CPA6: variants seen among roughly 807,000 people sequenced by gnomAD.
CPA6 encodes the protein carboxypeptidase B.
A neutral mutation model predicts 63.3 loss-of-function variants in CPA6; 58 were observed. The ratio of observed to expected loss-of-function variants is 0.92; its 90% CI spans 0.74 to 1.14. The LOEUF is 1.14. Among genes scored for constraint, CPA6 ranks in the 50% most tolerant of loss-of-function variants. CPA6 has a pLI of 0.00. For synonymous variants in CPA6, 185 were observed against 179.0 expected, an observed-to-expected ratio of 1.03 and a Z score of -0.27; for missense variants, 565 against 526.6, an observed-to-expected ratio of 1.07 and a Z score of -0.71.
At chr8:67,724,706 G>A (rs1430906484) in intron 1 of CPA6, among the ~76,000 whole-genome samples, 1 of 152,168 alleles carries the variant, frequency 6.6e-6, no homozygotes, top group African/African-American at 2.4e-5. Flanking sequence ...AAGCCATTGG[G>A]CCCAGTTTCC....
At chr8:67,725,448 A>C (rs1196050453) in intron 1 of CPA6, among the ~76,000 whole-genome samples, 1 of 152,214 alleles carries the variant, frequency 6.6e-6, no homozygotes, top group Non-Finnish European at 1.5e-5. Flanking sequence ...TCATGACTGA[A>C]AATTGTAAGC....
chr8:67,632,782 G>A (rs1297474824), intron 1 of CPA6, among the ~76,000 whole-genome samples: 2 of 152,202 alleles, frequency 1.3e-5, no homozygotes, highest in African/African-American at 2.4e-5. Flanking sequence ...TTATTATCTT[G>A]AAGTAAGAGA....
chr8:67,493,374 C>A (rs1811645759), intron 6 of CPA6, among the ~76,000 whole-genome samples: 1 of 152,094 alleles, frequency 6.6e-6, no homozygotes, highest in Non-Finnish European at 1.5e-5. Flanking sequence ...GCTTTTGGAT[C>A]CTGGGAGAAG....
intron 2 of CPA6, among the ~76,000 whole-genome samples, chr8:67,540,947 G>C (rs1281556609): frequency 6.6e-6 from 1 of 152,224 alleles, no homozygotes; most frequent in Non-Finnish European, 1.5e-5. Flanking sequence ...GGCTCCATGG[G>C]GGTGGGATCC....
intron 1 of CPA6, among the ~76,000 whole-genome samples, chr8:67,683,075 C>G (rs915897117): frequency 6.6e-6 from 1 of 152,172 alleles, no homozygotes; most frequent in African/African-American, 2.4e-5. Flanking sequence ...ACCCGGGCTT[C>G]CCCCCGGTCT....
Position 67,634,179 on chromosome 8 carries a change from A to AATTATTATT in CPA6, c.117-9937_117-9929dup, listed in dbSNP as rs36123716. Among the ~76,000 whole-genome samples, 296 of 139,902 alleles carry AATTATTATT rather than the reference A, an allele frequency of 2.1e-3. 4 individuals carry two copies. Among genetic ancestry groups the AATTATTATT allele is most frequent in the South Asian group, 4.0e-3 (18 of 4,502 alleles). 91.8% of individuals were successfully genotyped at this position (139,902 alleles called of 152,430 possible). A position where few individuals can be genotyped will look rare whatever the true frequency, so the allele number is the denominator to read the frequency against. On this transcript the variant is annotated intron_variant, in intron 1 of 10. Transcript: ENST00000297770. Reference sequence around the variant, plus strand: ...TTCCTTTCTCCAAGTCACTGGATTTAATTATTATTATTATTATTATTATTA... The same window carrying AATTATTATT: ...TTCCTTTCTCCAAGTCACTGGATTTAATTATTATTATTATTATTATTATTATTATTATTA...
intron 2 of CPA6, among the ~76,000 whole-genome samples, chr8:67,570,804 C>A (rs1223588635): frequency 3.3e-5 from 5 of 152,078 alleles, no homozygotes; most frequent in Non-Finnish European, 5.9e-5. Context: ...ATAAAACAAC[C>A]AGAAAACAAT....
chr8:67,707,055 T>G (rs1295738249), intron 1 of CPA6, among the ~76,000 whole-genome samples: 1 of 152,250 alleles, frequency 6.6e-6, no homozygotes. Context: ...AATTGTTCTT[T>G]GACTGTGGCT....
At chr8:67,495,523 C>A (rs974804551) in intron 6 of CPA6, among the ~76,000 whole-genome samples, 1 of 152,058 alleles carries the variant, frequency 6.6e-6, no homozygotes, top group African/African-American at 2.4e-5. Context: ...TCCATTCCTA[C>A]ATCCACTCTT....
chr8:67,733,191 C>T (rs1413226773), intron 1 of CPA6, among the ~76,000 whole-genome samples: 1 of 75,212 alleles, frequency 1.3e-5, no homozygotes. Flanking sequence ...AGCGAGACTC[C>T]ATCTCAAAAA....
chr8:67,469,935 TG>T (rs1811019322), intron 8 of CPA6, among the ~76,000 whole-genome samples: 1 of 152,218 alleles, frequency 6.6e-6, no homozygotes, highest in Non-Finnish European at 1.5e-5. Flanking sequence ...CTGTGGCATC[TG>T]TCTCTGCTTC....
Position 67,506,864 on chromosome 8 carries a change from T to C in CPA6, c.559A>G (p.Arg187Gly). ...LKLGRRSRLK[R>G]AVWIDCGIHA... is the part of the protein sequence containing the mutation. Reference sequence around the variant, plus strand: ...ATACCACAGTCTATCCAAACAGCTCTTTTGAGTCGTGATCGTCTGCCCAGC... The same window carrying C: ...ATACCACAGTCTATCCAAACAGCTCCTTTGAGTCGTGATCGTCTGCCCAGC... Residue 187 changes from arginine (R) to glycine (G), a missense_variant, in exon 6 of 11, where the codon AGA becomes GGA. Arg to Gly is a moderately radical substitution (Grantham distance 125). Transcript: ENST00000297770. 1 of 1,613,394 alleles carries C rather than the reference T, an allele frequency of 6.2e-7. No homozygotes were observed. The highest frequency in any genetic ancestry group is 8.5e-7 in the Non-Finnish European group (1 of 1,179,436).
chr8:67,426,161 G>T (rs1048323447), intron 10 of CPA6, among the ~76,000 whole-genome samples: 7 of 152,154 alleles, frequency 4.6e-5, no homozygotes, highest in Non-Finnish European at 1.0e-4. Context: ...TAGATAAGGG[G>T]TTTTGCCATG....
intron 10 of CPA6, among the ~76,000 whole-genome samples, chr8:67,427,174 C>A (rs1809908379): frequency 6.6e-6 from 1 of 152,206 alleles, no homozygotes; most frequent in Non-Finnish European, 1.5e-5. Flanking sequence ...TTTATCACCA[C>A]AGACTTGAAT....
intron 2 of CPA6, among the ~76,000 whole-genome samples, chr8:67,544,762 A>G (rs1256242458): frequency 1.3e-5 from 2 of 152,162 alleles, no homozygotes; most frequent in East Asian, 1.9e-4. Flanking sequence ...TATCTTTCGT[A>G]CAACTTAAAC....
intron 8 of CPA6, among the ~76,000 whole-genome samples, chr8:67,435,372 TC>T (rs1319082329): frequency 1.3e-5 from 2 of 151,558 alleles, no homozygotes; most frequent in Non-Finnish European, 2.9e-5. Context: ...TCGCCATCCC[TC>T]CCCCCAGCGC....
chr8:67,525,682 A>G (rs1812345600), intron 2 of CPA6, among the ~76,000 whole-genome samples: 1 of 152,236 alleles, frequency 6.6e-6, no homozygotes, highest in South Asian at 2.1e-4. Context: ...CTGAACTACC[A>G]ATTGATACAT....
rs1365628476 is a variant in CPA6, at chr8:67,507,085, A to G, written c.535-197T>C. On this transcript the variant is annotated intron_variant, in intron 5 of 10. Transcript: ENST00000297770. The stretch of plus-strand genomic sequence containing the variant: ...AAACAATATATTTATTGTCCTAATT[A>G]TAATAAAAGAACTAGAAAGTACAAA... Among the ~76,000 whole-genome samples, 4 of 152,100 alleles carry G rather than the reference A, an allele frequency of 2.6e-5. No homozygotes were observed. In the East Asian group the frequency reaches 7.7e-4, roughly 29 times the overall value.
intron 2 of CPA6, among the ~76,000 whole-genome samples, chr8:67,525,377 G>A (rs1407679596): frequency 6.6e-6 from 1 of 152,112 alleles, no homozygotes; most frequent in Non-Finnish European, 1.5e-5. Context: ...ATAAAAATTG[G>A]TGGGGGCCCA....
Sources: allele counts gnomAD v4.1 joint callset (sites outside exome capture counted in the v4.1 genomes callset), GRCh38; gene constraint gnomAD v4.1.1; transcripts MANE v1.5; gene names NCBI Gene and HGNC (gene_info 2026-07-23, HGNC 2026-07-21).